The following TTC22 variants were observed in gnomAD, a reference collection of about 807,000 sequenced individuals.
The protein encoded by TTC22 is tetratricopeptide repeat protein 22.
TTC22 carries 42 observed loss-of-function variants against 48.2 expected under a neutral mutation model. The observed-to-expected ratio is 0.87, with a 90% CI of 0.68 to 1.13. The LOEUF (loss-of-function observed/expected upper bound fraction) is 1.13. TTC22 is among the 50% of genes most tolerant of loss of function. The pLI, the probability that TTC22 is intolerant of heterozygous loss-of-function variation, is 0.00. For missense variants in TTC22, 784 were observed against 807.0 expected (o/e 0.97, Z 0.34); for synonymous variants, 345 against 365.5 (o/e 0.94, Z 0.64).
chr1:54,786,144 C>T lies in TTC22; in HGVS notation c.859G>A (p.Ala287Thr), dbSNP rs1254823588. 3 of 1,613,708 alleles carry T rather than the reference C, an allele frequency of 1.9e-6. No homozygotes were observed. The highest frequency in any genetic ancestry group is 2.5e-6 in the Non-Finnish European group (3 of 1,179,762). Residue 287 changes from alanine (A) to threonine (T), a missense_variant and splice_region_variant, in exon 5 of 7, where the codon GCC becomes ACC. Physicochemically the swap from Ala to Thr is moderately conservative, Grantham distance 58. Transcript: ENST00000371276. ...GTDPLDCFGK[A>T]IEIAKNQPPI... ...GGTTGGTTCTTGGCAATCTCAATGG[C>T]CTAGGTAAGGGAGGAGTGCAAAAAC...
Position 54,800,725 on chromosome 1 carries a change from C to T in TTC22, c.439G>A (p.Ala147Thr), listed in dbSNP as rs1646428604. 2 of 1,542,282 alleles carry T rather than the reference C, an allele frequency of 1.3e-6. No homozygotes were observed. Among genetic ancestry groups the T allele is most frequent in the Non-Finnish European group, 1.7e-6 (2 of 1,149,620 alleles). Residue 147 changes from alanine (A) to threonine (T), a missense_variant, in exon 1 of 7, where the codon GCT (alanine) becomes ACT (threonine). Ala to Thr is a moderately conservative substitution (Grantham distance 58, BLOSUM62 0). Coordinates refer to ENST00000371276, the MANE Select transcript of TTC22 (RefSeq NM_001114108.2). ...TAGCCCTGCTCGGCCAGGCAGCGAG[C>T]GGCGCGGAGCTGGGGGTCCCCGGCG... ...EAAGDPQLRA[A>T]RCLAEQGYAH... is the part of the protein sequence containing the mutation.
Position 54,786,242 on chromosome 1 carries a change from A to G in TTC22, c.859-98T>C, listed in dbSNP as rs1646300220. On this transcript the variant is annotated intron_variant, in intron 4 of 6. Transcript: ENST00000371276. ...CCACAGGAACCCCATCTTTGGATAC[A>G]GCCGTATCAACATGGTGCCCTTTAC... is the stretch of plus-strand genomic sequence containing the variant. The G allele has an allele frequency of 1.1e-5, 12 of 1,142,746 alleles. No homozygotes were observed. The South Asian group carries it at 1.6e-4, about 15-fold the overall frequency. The allele number at this position is 1,142,746 out of a possible 1,614,324, so 70.8% of individuals were successfully genotyped here. A position where few individuals can be genotyped will look rare whatever the true frequency, so the allele number is the denominator to read the frequency against.
intron 1 of TTC22, 94 bp downstream of exon 1, chr1:54,800,503 G>C (rs919577474): frequency 1.8e-5 from 20 of 1,128,416 alleles, no homozygotes; most frequent in Non-Finnish European, 2.2e-5. Context: ...GGTTGAGAGA[G>C]AGTCAGGGGT....
chr1:54,787,960 C>T (rs1420363195), intron 2 of TTC22, 82 bp downstream of exon 2: 2 of 1,525,182 alleles, frequency 1.3e-6, no homozygotes, highest in Non-Finnish European at 1.8e-6. Context: ...GCCCAGCCAC[C>T]TCTGCCCTTA....
chr1:54,782,775 C>T (rs556424500), intron 5 of TTC22, among the ~76,000 whole-genome samples: 11 of 152,292 alleles, frequency 7.2e-5, no homozygotes, highest in African/African-American at 2.6e-4. Flanking sequence ...TGTGCCAGTT[C>T]CTATGCTGGG....
Position 54,781,754 on chromosome 1 carries a change from G to A in TTC22, c.1199C>T (p.Ala400Val), listed in dbSNP as rs1046952443. 2 of 1,496,288 alleles carry A rather than the reference G, an allele frequency of 1.3e-6. No individual in the cohort carries two copies. The highest frequency in any genetic ancestry group is 1.8e-6 in the Non-Finnish European group (2 of 1,127,104). The allele number at this position is 1,496,288 out of a possible 1,614,324, so 92.7% of individuals were successfully genotyped here. The change falls in exon 7 of 7, where the codon GCG becomes GTG. Residue 400 changes from alanine to valine, a missense_variant. Physicochemically the swap from Ala to Val is moderately conservative, Grantham distance 64. Transcript: ENST00000371276. ...GTCCACCGCCAGCAGCTCCTGCACC[G>A]CGTCCACGCCCATATAGTAGTAGAC... is the stretch of plus-strand genomic sequence containing the variant. ...GQVYYYMGVDAVQELLAVDEA... is the reference protein window; with the variant it reads ...GQVYYYMGVDVVQELLAVDEA...
chr1:54,786,310 C>T lies in TTC22; in HGVS notation c.859-166G>A, dbSNP rs977066635. 38 of 614,274 alleles carry T rather than the reference C, an allele frequency of 6.2e-5. No homozygotes were observed. In the African/African-American group the frequency reaches 6.3e-4, roughly 10 times the overall value. The allele number at this position is 614,274 out of a possible 1,614,324, so 38.1% of individuals were successfully genotyped here. Reference sequence around the variant, plus strand: ...CACCTGCCAGTAAGTTGTCACATCACGAAGCCCCAACACCTTGGGGCACAA... The same window carrying T: ...CACCTGCCAGTAAGTTGTCACATCATGAAGCCCCAACACCTTGGGGCACAA... On this transcript the variant is annotated intron_variant, in intron 4 of 6. Coordinates refer to ENST00000371276, the MANE Select transcript of TTC22 (RefSeq NM_001114108.2).
In TTC22 at chr1:54,782,365, C is replaced by G; in HGVS notation, c.1133G>C (p.Arg378Thr). The change falls in exon 6 of 7, where the codon AGG becomes ACG. Residue 378 changes from arginine (R) to threonine (T), a missense_variant. By Grantham distance (71) the Arg-to-Thr change is moderately conservative (BLOSUM62 -1). Transcript: ENST00000371276. ...CAKADLEEVVRVCPGFKAYLD... is the reference protein window; with the variant it reads ...CAKADLEEVVTVCPGFKAYLD... ...GTACGCCTTGAAGCCTGGGCACACC[C>G]TGACCACTTCCTCAAGGTCAGCCTT... 6.4e-7 allele frequency: 1 copy of G among 1,550,932 alleles called. No homozygotes were observed. Among genetic ancestry groups the G allele is most frequent in the Non-Finnish European group, 8.7e-7 (1 of 1,146,630 alleles).
At chr1:54,799,270 C>T (rs186853643) in intron 1 of TTC22, among the ~76,000 whole-genome samples, 1 of 152,344 alleles carries the variant, frequency 6.6e-6, no homozygotes, top group Admixed American at 6.5e-5. Context: ...GATGTTCACT[C>T]ACTGGGGAAT....
chr1:54,784,468 T>C (rs1646284897), intron 5 of TTC22: 2 of 854,984 alleles, frequency 2.3e-6, no homozygotes, highest in African/African-American at 1.8e-5. Flanking sequence ...CCTGGTTCTA[T>C]GTGGCCTCAT....
At chr1:54,786,441 T>C (rs189773188) in intron 4 of TTC22, 2 of 340,032 alleles carry the variant, frequency 5.9e-6, no homozygotes, top group East Asian at 1.3e-4. Context: ...CAGTGTATGC[T>C]CTCCCATCTT....
rs995341095 is a variant in TTC22, at chr1:54,800,906, G to A, written c.258C>T (p.Arg86=). The change falls in exon 1 of 7, where the codon CGC becomes CGT. Residue 86 remains arginine, a synonymous_variant. Coordinates refer to ENST00000371276, the MANE Select transcript of TTC22 (RefSeq NM_001114108.2). ...AFYLEELDEA[R]ECFLEVAHEH... Reference sequence around the variant, plus strand: ...CGTGGGCCACCTCGAGGAAGCACTCGCGGGCCTCGTCCAGCTCCTCCAGGT... The same window carrying A: ...CGTGGGCCACCTCGAGGAAGCACTCACGGGCCTCGTCCAGCTCCTCCAGGT... 9 of 1,609,990 alleles carry A rather than the reference G, an allele frequency of 5.6e-6. No homozygotes were observed. Among genetic ancestry groups the A allele is most frequent in the Non-Finnish European group, 7.6e-6 (9 of 1,179,402 alleles).
chr1:54,786,907 T>C (rs771809840), intron 4 of TTC22, 50 bp downstream of exon 4: 4 of 960,122 alleles, frequency 4.2e-6, no homozygotes, highest in African/African-American at 1.7e-5. Context: ...GAGGCTGGGG[T>C]GCCAGGCTCC....
chr1:54,788,229 G>T (rs1646321677), intron 1 of TTC22, 132 bp from the exon 2 acceptor site: 2 of 833,570 alleles, frequency 2.4e-6, no homozygotes, highest in African/African-American at 3.3e-5. Flanking sequence ...AAACACCTTT[G>T]ATTACAGTCC....
intron 1 of TTC22, among the ~76,000 whole-genome samples, chr1:54,789,970 T>C (rs1052178222): frequency 6.6e-6 from 1 of 151,958 alleles, no homozygotes; most frequent in African/African-American, 2.4e-5. Context: ...GGAACCCTGA[T>C]GGTAAGGAGT....
chr1:54,786,924 GT>G, intron 4 of TTC22, 32 bp downstream of exon 4: 1 of 1,198,572 alleles, frequency 8.3e-7, no homozygotes, highest in South Asian at 1.7e-5. Flanking sequence ...CTCCTTCTCA[GT>G]TTAGAGGGTG....
chr1:54,798,060 G>A (rs978360812), intron 1 of TTC22, among the ~76,000 whole-genome samples: 5 of 152,118 alleles, frequency 3.3e-5, no homozygotes, highest in South Asian at 2.1e-4. Flanking sequence ...CCAGGAGTAC[G>A]CCTGCGAGGG....
In TTC22 at chr1:54,780,547, A is replaced by T. The variant is rs1288672666; in HGVS notation, c.*696T>A. ...GCACCTCCTAATGGGTGGCGCCCTT[A>T]GTTTCCCCCAAGAAGAGGGAAATCA... On this transcript the variant is annotated 3_prime_UTR_variant, in exon 7 of 7. Transcript: ENST00000371276. 1 of 151,230 alleles carries T rather than the reference A, an allele frequency of 6.6e-6. No individual in the cohort carries two copies. Among genetic ancestry groups the T allele is most frequent in the East Asian group, 1.9e-4 (1 of 5,146 alleles). The allele number at this position is 151,230 out of a possible 1,614,324, so 9.4% of individuals were successfully genotyped here.
In TTC22 at chr1:54,788,015, C is replaced by T. The variant is rs139458836; in HGVS notation, c.623+27G>A. On this transcript the variant is annotated intron_variant, in intron 2 of 6. Coordinates refer to ENST00000371276, the MANE Select transcript of TTC22 (RefSeq NM_001114108.2). Reference sequence around the variant, plus strand: ...GGCCACACCTCTCCCTCTTCCATCCCGTACCCCCACCACCCTCTTGCCTGA... The same window carrying T: ...GGCCACACCTCTCCCTCTTCCATCCTGTACCCCCACCACCCTCTTGCCTGA... 1,054 of 1,610,450 alleles carry T rather than the reference C, an allele frequency of 6.5e-4. 8 individuals are homozygous for T. The African/African-American group carries it at 0.013, about 19-fold the overall frequency.
Sources: gnomAD v4.1 joint callset for allele counts (sites outside exome capture counted in the v4.1 genomes callset) on GRCh38, gnomAD v4.1.1 for gene constraint, MANE v1.5 for transcripts, NCBI Gene and HGNC (gene_info 2026-07-23, HGNC 2026-07-21) for gene names.